Variants in PKIB observed in about 807,000 individuals in gnomAD.
The protein encoded by PKIB is cAMP-dependent protein kinase inhibitor beta.
Under a neutral mutation model 4.5 loss-of-function variants are expected in PKIB, and 2 were observed. The observed-to-expected ratio is 0.44, with a 90% CI of 0.18 to 1.39. PKIB has a LOEUF of 1.39. Among genes scored for constraint, PKIB ranks in the 40% most tolerant of loss-of-function variants. The pLI is 0.27. For synonymous variants in PKIB, 38 were observed against 36.0 expected, an observed-to-expected ratio of 1.06 and a Z score of -0.20; for missense variants, 94 against 92.6, an observed-to-expected ratio of 1.02 and a Z score of -0.06.
At chr6:122,638,120 T>C (rs1405552014) in intron 2 of PKIB, among the ~76,000 whole-genome samples, 1 of 152,212 alleles carries the variant, frequency 6.6e-6, no homozygotes, top group Non-Finnish European at 1.5e-5. Flanking sequence ...TTTCCTGTTT[T>C]ATGGAAGTTG....
intron 3 of PKIB, among the ~76,000 whole-genome samples, chr6:122,592,741 A>G (rs1261053117): frequency 6.6e-6 from 1 of 152,256 alleles, no homozygotes; most frequent in Non-Finnish European, 1.5e-5. Flanking sequence ...TATCTAGAGT[A>G]AAATCTCAAG....
intron 2 of PKIB, among the ~76,000 whole-genome samples, chr6:122,552,303 A>G (rs1562248707): frequency 6.6e-6 from 1 of 152,128 alleles, no homozygotes; most frequent in Non-Finnish European, 1.5e-5. Flanking sequence ...AGTTCACGCC[A>G]GGTAGCATAA....
intron 2 of PKIB, among the ~76,000 whole-genome samples, chr6:122,568,780 G>T (rs1773269141): frequency 6.6e-6 from 1 of 152,220 alleles, no homozygotes; most frequent in African/African-American, 2.4e-5. Context: ...CTGCAGACAT[G>T]AGCACAGGAG....
intron 2 of PKIB, chr6:122,531,031 G>A (rs531349544): frequency 1.4e-4 from 22 of 152,270 alleles, no homozygotes; most frequent in African/African-American, 4.6e-4. Flanking sequence ...TATGAGGGAA[G>A]GAGAACTTTT....
rs1774084459 is a variant in PKIB, at chr6:122,593,735, A to G, written c.-161+7728A>G. ...TAGAGGAATGATAATATTAATTACA[A>G]TTTTATATGAAAATTTAGACATAAA... On this transcript the variant is annotated intron_variant, in intron 3 of 6. Transcript: ENST00000392491. Among the ~76,000 whole-genome samples the G allele has an allele frequency of 2.6e-5, 4 of 152,228 alleles. No individual in the cohort carries two copies. In the South Asian group the frequency reaches 8.3e-4, roughly 32 times the overall value.
chr6:122,615,464 T>C (rs978832002), intron 1 of PKIB, among the ~76,000 whole-genome samples: 11 of 152,192 alleles, frequency 7.2e-5, no homozygotes, highest in African/African-American at 2.7e-4. Flanking sequence ...AGAGTGCCTC[T>C]CAGATTCTTG....
intron 3 of PKIB, among the ~76,000 whole-genome samples, chr6:122,707,634 C>T (rs761656453): frequency 7.2e-5 from 11 of 152,036 alleles, no homozygotes; most frequent in Non-Finnish European, 1.5e-4. Context: ...TATATGCTCT[C>T]TAATGTTAAC....
intron 3 of PKIB, among the ~76,000 whole-genome samples, chr6:122,704,028 G>A (rs1778950993): frequency 6.6e-6 from 1 of 151,416 alleles, no homozygotes; most frequent in African/African-American, 2.4e-5. Context: ...TGGCAAGCTA[G>A]AGACTCAGGA....
At chr6:122,573,762 G>A (rs761166111) in intron 2 of PKIB, among the ~76,000 whole-genome samples, 2 of 152,020 alleles carry the variant, frequency 1.3e-5, no homozygotes, top group Non-Finnish European at 2.9e-5. Context: ...GGCATAGAAA[G>A]GATTTACCTC....
intron 2 of PKIB, among the ~76,000 whole-genome samples, chr6:122,557,057 T>C (rs912817229): frequency 1.3e-5 from 2 of 152,002 alleles, no homozygotes; most frequent in African/African-American, 2.4e-5. Flanking sequence ...CTACTAAAAA[T>C]ACAAAAGAAA....
chr6:122,526,230 T>G (rs1189493893), intron 2 of PKIB, among the ~76,000 whole-genome samples: 1 of 152,124 alleles, frequency 6.6e-6, no homozygotes. Flanking sequence ...CCTTTCAAAG[T>G]TATCCATAAG....
At chr6:122,665,464 A>G (rs1446851735) in intron 2 of PKIB, among the ~76,000 whole-genome samples, 1 of 152,254 alleles carries the variant, frequency 6.6e-6, no homozygotes. Context: ...GCAAAGAAAT[A>G]TTCTTCTGAA....
chr6:122,519,207 C>T (rs1776859828), intron 2 of PKIB, among the ~76,000 whole-genome samples: 1 of 152,046 alleles, frequency 6.6e-6, no homozygotes, highest in Non-Finnish European at 1.5e-5. Flanking sequence ...ACATTGTGAA[C>T]TGTGCATGTG....
At chr6:122,651,383 A>G (rs979951103) in intron 2 of PKIB, among the ~76,000 whole-genome samples, 5 of 152,166 alleles carry the variant, frequency 3.3e-5, no homozygotes, top group African/African-American at 7.2e-5. Context: ...TCTTGTTATA[A>G]GTCTAGAAGC....
At chr6:122,574,506 A>G (rs1408328538) in intron 2 of PKIB, among the ~76,000 whole-genome samples, 1 of 152,200 alleles carries the variant, frequency 6.6e-6, no homozygotes, top group Non-Finnish European at 1.5e-5. Context: ...CCCAACTTTA[A>G]ATTATACTAC....
At chr6:122,627,294 G>T (rs1179092319) in intron 1 of PKIB, among the ~76,000 whole-genome samples, 3 of 151,526 alleles carry the variant, frequency 2.0e-5, no homozygotes, top group Non-Finnish European at 4.4e-5. Flanking sequence ...AACTCCTGTG[G>T]GTTTTAGTCC....
intron 2 of PKIB, among the ~76,000 whole-genome samples, chr6:122,509,051 A>C (rs1225264815): frequency 1.3e-5 from 2 of 152,212 alleles, no homozygotes; most frequent in East Asian, 1.9e-4. Context: ...GCCCGGCCTA[A>C]AATTTTTTAA....
chr6:122,723,776 A>T (rs1779833367), intron 4 of PKIB, among the ~76,000 whole-genome samples: 1 of 152,276 alleles, frequency 6.6e-6, no homozygotes, highest in East Asian at 1.9e-4. Context: ...ATTCCCAGCT[A>T]ACTCTGTCTA....
chr6:122,661,826 C>G lies in PKIB; in HGVS notation c.-75-13252C>G, dbSNP rs776565657. The stretch of plus-strand genomic sequence containing the variant: ...TACATTTCAGCCAGCAGTGACGAAG[C>G]CTTCCATTTCTTTATATCCTTCTCA... On this transcript the variant is annotated intron_variant, in intron 2 of 4. Transcript: ENST00000368452. Among the ~76,000 whole-genome samples, 4 of 152,050 alleles carry G rather than the reference C, an allele frequency of 2.6e-5. 1 individual carries two copies. The highest frequency in any genetic ancestry group is 5.9e-5 in the Non-Finnish European group (4 of 68,012).
Sources: allele counts gnomAD v4.1 joint callset (sites outside exome capture counted in the v4.1 genomes callset), GRCh38; gene constraint gnomAD v4.1.1; transcripts MANE v1.5; gene names NCBI Gene and HGNC (gene_info 2026-07-23, HGNC 2026-07-21).